The following FAM151B variants were observed in gnomAD, a reference collection of about 807,000 sequenced individuals.
FAM151B encodes family with sequence similarity 151 member B, also known as protein FAM151B.
FAM151B carries 24 observed loss-of-function variants against 31.2 expected under a neutral mutation model. That is an observed-to-expected ratio of 0.77 (90% CI 0.56 to 1.08). FAM151B has a LOEUF of 1.08. Among genes scored for constraint, FAM151B ranks in the 50% least tolerant of loss-of-function variants. FAM151B has a pLI of 0.00. For synonymous variants in FAM151B, 105 were observed against 111.4 expected (o/e 0.94, Z 0.36); for missense variants, 293 against 328.6 (o/e 0.89, Z 0.84).
At position 80,513,721 on chromosome 5, in the gene FAM151B, T is replaced by C. The variant is rs963367412; in HGVS notation, c.269T>C (p.Leu90Pro). The part of the protein sequence containing the change: ...TNSDNTLQEW[L>P]TEVMKSNKGI... ...AGTGATAATACTCTACAGGAGTGGC[T>C]GACTGAAGTTATGAAAAGCAATAAA... Residue 90 changes from leucine (L) to proline (P), a missense_variant, in exon 3 of 6, where the codon CTG becomes CCG. Coordinates refer to ENST00000282226, the MANE Select transcript of FAM151B (RefSeq NM_205548.3). 1 of 1,613,256 alleles carries C rather than the reference T, an allele frequency of 6.2e-7. No individual in the cohort carries two copies. The highest frequency in any genetic ancestry group is 8.5e-7 in the Non-Finnish European group (1 of 1,179,832).
At chr5:80,528,651 G>A (rs1745081361) in intron 5 of FAM151B, among the ~76,000 whole-genome samples, 1 of 151,934 alleles carries the variant, frequency 6.6e-6, no homozygotes. Flanking sequence ...CAGCTGCTTG[G>A]GAGGCTGAGG....
chr5:80,516,923 A>T (rs1240706041), intron 3 of FAM151B, among the ~76,000 whole-genome samples: 2 of 152,226 alleles, frequency 1.3e-5, no homozygotes, highest in Non-Finnish European at 2.9e-5. Flanking sequence ...AAAATTTGAG[A>T]AATAAACAAT....
At chr5:80,538,468 T>TTCTCTCTCTCTCTCTC (rs1405856387) in intron 5 of FAM151B, among the ~76,000 whole-genome samples, 1 of 115,246 alleles carries the variant, frequency 8.7e-6, no homozygotes, top group African/African-American at 3.6e-5. Context: ...CTTTCTTTCT[T>TTCTCTCTCTCTCTCTC]TCTTTCTTTC....
chr5:80,512,802 T>A (rs958145865), intron 2 of FAM151B, among the ~76,000 whole-genome samples: 2 of 149,718 alleles, frequency 1.3e-5, no homozygotes, highest in Non-Finnish European at 3.0e-5. Context: ...AAAAGAAATT[T>A]AAAAAAATGT....
At chr5:80,540,746 A>G (rs1467156589) in intron 5 of FAM151B, among the ~76,000 whole-genome samples, 4 of 152,206 alleles carry the variant, frequency 2.6e-5, no homozygotes, top group Non-Finnish European at 1.5e-5. Context: ...CCTTAGCTGT[A>G]GTTTAAAATT....
At chr5:80,536,620 A>G (rs1010853359) in intron 5 of FAM151B, among the ~76,000 whole-genome samples, 6 of 152,230 alleles carry the variant, frequency 3.9e-5, no homozygotes, top group African/African-American at 1.4e-4. Flanking sequence ...CACTATTCAC[A>G]ATAGCCAAGA....
chr5:80,501,180 A>AT (rs373497151), intron 1 of FAM151B: 13,901 of 273,272 alleles, frequency 0.051, 63 homozygotes, highest in South Asian at 0.084. Flanking sequence ...CACCTGGCTA[A>AT]TTTTTTTTTT....
At chr5:80,495,007 G>A (rs1196258205) in intron 1 of FAM151B, 1 of 152,100 alleles carries the variant, frequency 6.6e-6, no homozygotes. Context: ...AAAATCACAG[G>A]GTCCTTAGGA....
At chr5:80,538,494 C>T (rs1427661197) in intron 5 of FAM151B, among the ~76,000 whole-genome samples, 1,445 of 127,654 alleles carry the variant, frequency 0.011, 145 homozygotes, top group African/African-American at 0.039. Context: ...TTCCTTCCTT[C>T]CTTCCTTTCT....
chr5:80,503,243 T>TA (rs1428010891), intron 2 of FAM151B, among the ~76,000 whole-genome samples: 1 of 152,196 alleles, frequency 6.6e-6, no homozygotes, highest in Non-Finnish European at 1.5e-5. Flanking sequence ...ATTCTATAGA[T>TA]AAATGATCAT....
At chr5:80,530,091 C>T (rs557481560) in intron 5 of FAM151B, among the ~76,000 whole-genome samples, 5 of 152,162 alleles carry the variant, frequency 3.3e-5, no homozygotes, top group Non-Finnish European at 7.3e-5. Flanking sequence ...ATATACAAAT[C>T]AATAAACATA....
intron 5 of FAM151B, among the ~76,000 whole-genome samples, chr5:80,530,348 C>G (rs1247720628): frequency 1.3e-5 from 2 of 152,042 alleles, no homozygotes; most frequent in South Asian, 2.1e-4. Context: ...CCCTCTCTCA[C>G]CACTCCTATT....
intron 1 of FAM151B, chr5:80,498,993 T>A (rs1466997953): frequency 5.2e-6 from 1 of 192,574 alleles, no homozygotes; most frequent in Non-Finnish European, 1.1e-5. Context: ...TGGTGGCAGC[T>A]CCACCACAGA....
At chr5:80,540,625 A>G (rs975363377) in intron 5 of FAM151B, among the ~76,000 whole-genome samples, 27 of 152,324 alleles carry the variant, frequency 1.8e-4, no homozygotes, top group Admixed American at 1.5e-3. Context: ...GCTCATAACC[A>G]TGTCTTTTTA....
At chr5:80,534,819 T>C (rs940544456) in intron 5 of FAM151B, among the ~76,000 whole-genome samples, 3 of 152,138 alleles carry the variant, frequency 2.0e-5, no homozygotes, top group African/African-American at 7.2e-5. Context: ...AGTCAAATTA[T>C]CCTTGTTTGC....
In FAM151B at chr5:80,531,267, C is replaced by T. The variant is rs184581324; in HGVS notation, c.671+9129C>T. ...TGGATTAAAGACTTAAATATTAGAC[C>T]TAAAGCCATAAAAACCCTAGAAGAA... is the stretch of plus-strand genomic sequence containing the variant. On this transcript the variant is annotated intron_variant, in intron 5 of 5. Transcript: ENST00000282226. 8.2e-3 allele frequency among the ~76,000 whole-genome samples: 1,250 copies of T among 152,234 alleles called. 18 individuals are homozygous for T. The highest frequency in any genetic ancestry group is 0.027 in the African/African-American group (1,132 of 41,532).
At chr5:80,514,502 A>G (rs1450388735) in intron 3 of FAM151B, among the ~76,000 whole-genome samples, 1 of 148,364 alleles carries the variant, frequency 6.7e-6, no homozygotes, top group Non-Finnish European at 1.5e-5. Flanking sequence ...AATAATAATA[A>G]TAATAATAAT....
rs1357139252 is a variant in FAM151B at position 80,519,681 on chromosome 5, T to C, written c.318-12T>C. The C allele has an allele frequency of 1.9e-6, 3 of 1,609,852 alleles. No homozygotes were observed. Among genetic ancestry groups the C allele is most frequent in the Non-Finnish European group, 2.5e-6 (3 of 1,177,488 alleles). ...AAGAATCTATCTCATTGACAACAAA[T>C]TATGTTTTTAGTCTGGCAGTTGTAG... On this transcript the variant is annotated splice_polypyrimidine_tract_variant and intron_variant, in intron 3 of 5. Coordinates refer to ENST00000282226, the MANE Select transcript of FAM151B (RefSeq NM_205548.3).
chr5:80,530,144 A>G (rs545074251), intron 5 of FAM151B, among the ~76,000 whole-genome samples: 169 of 152,316 alleles, frequency 1.1e-3, no homozygotes, highest in African/African-American at 3.9e-3. Flanking sequence ...CCACATAATT[A>G]TCTCAATAGA....
Sources: allele counts gnomAD v4.1 joint callset (sites outside exome capture counted in the v4.1 genomes callset), GRCh38; gene constraint gnomAD v4.1.1; transcripts MANE v1.5; gene names NCBI Gene and HGNC (gene_info 2026-07-23, HGNC 2026-07-21).